POT1: variants seen among roughly 807,000 people sequenced by gnomAD.
POT1 encodes protection of telomeres 1, also known as protection of telomeres protein 1.
In POT1, 47 loss-of-function variants were observed where a neutral mutation model predicts 78.5. That is an observed-to-expected ratio of 0.60 (90% CI 0.47 to 0.76). The LOEUF (loss-of-function observed/expected upper bound fraction) is 0.76. Among genes scored for constraint, POT1 ranks in the 30% least tolerant of loss-of-function variants. POT1 has a pLI of 0.00. For synonymous variants in POT1, 259 were observed against 260.7 expected, an observed-to-expected ratio of 0.99 and a Z score of 0.06; for missense variants, 646 against 749.9, an observed-to-expected ratio of 0.86 and a Z score of 1.62.
At chr7:124,905,208 T>C (rs1428395095) in intron 3 of POT1, among the ~76,000 whole-genome samples, 1 of 152,146 alleles carries the variant, frequency 6.6e-6, no homozygotes, top group African/African-American at 2.4e-5. Flanking sequence ...GCTGGACGCA[T>C]CACACTACCT....
intron 5 of POT1, among the ~76,000 whole-genome samples, chr7:124,894,027 A>T (rs909047477): frequency 7.9e-5 from 12 of 151,620 alleles, no homozygotes; most frequent in African/African-American, 2.9e-4. Context: ...GAAAAGGGAA[A>T]GTGGTTTACA....
intron 3 of POT1, among the ~76,000 whole-genome samples, chr7:124,911,043 C>T (rs1747172002): frequency 6.6e-6 from 1 of 152,030 alleles, no homozygotes; most frequent in South Asian, 2.1e-4. Flanking sequence ...ATTTTGTATT[C>T]ATATTTGCAC....
In POT1 at chr7:124,898,342, A is replaced by G. The variant is rs1418338505; in HGVS notation, c.-121T>C. On this transcript the variant is annotated 5_prime_UTR_variant, in exon 4 of 19. Coordinates refer to ENST00000357628, the MANE Select transcript of POT1 (RefSeq NM_015450.3). ...CTCTGCTTGTAGATGAAGAAGCTAA[A>G]AAAACAATAAATCTAGCCACTGCAA... 1.3e-5 allele frequency: 2 copies of G among 151,860 alleles called. No individual in the cohort carries two copies. The highest frequency in any genetic ancestry group is 2.9e-5 in the Non-Finnish European group (2 of 67,910). 9.4% of individuals were successfully genotyped at this position (151,860 alleles called of 1,614,324 possible). A position where few individuals can be genotyped will look rare whatever the true frequency, so the allele number is the denominator to read the frequency against.
rs546157268 is a variant in POT1 at position 124,914,856 on chromosome 7, A to G, written c.-154+718T>C. ...GGCTCCTGGAACTAATCTCATGCAT[A>G]TACAGAGAAACAATTGCAACTCAAT... On this transcript the variant is annotated intron_variant, in intron 3 of 18. Transcript: ENST00000357628. Among the ~76,000 whole-genome samples, 9 of 152,314 alleles carry G rather than the reference A, an allele frequency of 5.9e-5. No individual in the cohort carries two copies. In the South Asian group the frequency reaches 1.7e-3, roughly 28 times the overall value.
At chr7:124,883,210 G>A (rs530968548) in intron 6 of POT1, among the ~76,000 whole-genome samples, 16 of 152,062 alleles carry the variant, frequency 1.1e-4, no homozygotes, top group Non-Finnish European at 1.9e-4. Flanking sequence ...ATTGTAACAG[G>A]TAACTCATCA....
intron 6 of POT1, among the ~76,000 whole-genome samples, chr7:124,883,533 ATATT>A (rs1190232782): frequency 6.6e-5 from 10 of 152,218 alleles, no homozygotes; most frequent in African/African-American, 1.9e-4. Context: ...ACAAAACTAT[ATATT>A]TATTTATTTT....
At chr7:124,844,449 C>A (rs577677643) in intron 12 of POT1, among the ~76,000 whole-genome samples, 9 of 147,836 alleles carry the variant, frequency 6.1e-5, no homozygotes, top group African/African-American at 2.2e-4. Context: ...TTAAAAAGGC[C>A]ATTGGCACCG....
intron 2 of POT1, among the ~76,000 whole-genome samples, chr7:124,927,631 G>A (rs1797307820): frequency 6.6e-6 from 1 of 152,022 alleles, no homozygotes; most frequent in African/African-American, 2.4e-5. Flanking sequence ...CCTTCAACAT[G>A]GTTCTCTTCT....
chr7:124,903,794 G>A (rs80339357), intron 3 of POT1, among the ~76,000 whole-genome samples: 3,655 of 122,098 alleles, frequency 0.03, 73 homozygotes, highest in Non-Finnish European at 0.042. Context: ...TAATAAAGAA[G>A]AAAAGAATCA....
intron 6 of POT1, among the ~76,000 whole-genome samples, chr7:124,885,843 T>C (rs532859436): frequency 1.6e-4 from 25 of 152,170 alleles, no homozygotes; most frequent in Middle Eastern, 3.4e-3. Flanking sequence ...TTTCAATATA[T>C]GTTGCTTCTA....
chr7:124,863,110 C>T (rs1795637752), intron 8 of POT1, among the ~76,000 whole-genome samples: 3 of 152,078 alleles, frequency 2.0e-5, no homozygotes, highest in Non-Finnish European at 2.9e-5. Context: ...ATGCATCAGT[C>T]ATACTATATT....
chr7:124,873,763 T>C (rs1795925835), intron 6 of POT1, among the ~76,000 whole-genome samples: 1 of 152,082 alleles, frequency 6.6e-6, no homozygotes, highest in Admixed American at 6.6e-5. Flanking sequence ...CCTAGTCCCC[T>C]AGTAATGAAG....
intron 11 of POT1, among the ~76,000 whole-genome samples, chr7:124,850,014 C>A (rs1271857369): frequency 1.3e-5 from 2 of 152,010 alleles, no homozygotes; most frequent in Non-Finnish European, 2.9e-5. Flanking sequence ...AGCTATTCAA[C>A]TGGATATTAT....
At chr7:124,852,090 T>G (rs1351618673) in intron 10 of POT1, 139 bp from the exon 11 acceptor site, 2 of 581,192 alleles carry the variant, frequency 3.4e-6, no homozygotes, top group Non-Finnish European at 6.0e-6. Flanking sequence ...GTAAAGGATC[T>G]ATTGCTTTCA....
At chr7:124,852,136 T>C (rs954356009) in intron 10 of POT1, among the ~76,000 whole-genome samples, 185 bp from the exon 11 acceptor site, 1 of 152,070 alleles carries the variant, frequency 6.6e-6, no homozygotes, top group Non-Finnish European at 1.5e-5. Flanking sequence ...AAAATCTGAG[T>C]TTAGAAAGAT....
At chr7:124,882,699 T>TA (rs11462505) in intron 6 of POT1, among the ~76,000 whole-genome samples, 93,567 of 151,320 alleles carry the variant, frequency 0.62, 29,271 homozygotes, top group African/African-American at 0.71. Context: ...TTTTAAGAAT[T>TA]AAAAAAACAG....
At chr7:124,894,397 G>A (rs974564324) in intron 5 of POT1, among the ~76,000 whole-genome samples, 10 of 151,470 alleles carry the variant, frequency 6.6e-5, no homozygotes, top group African/African-American at 2.4e-4. Flanking sequence ...GAGATGAATG[G>A]GAAAGGCCAG....
At chr7:124,906,150 A>C (rs1796760161) in intron 3 of POT1, among the ~76,000 whole-genome samples, 1 of 152,106 alleles carries the variant, frequency 6.6e-6, no homozygotes, top group Non-Finnish European at 1.5e-5. Context: ...TATATAGCCA[A>C]AGGATTATAA....
intron 8 of POT1, among the ~76,000 whole-genome samples, chr7:124,859,675 C>T (rs1025250087): frequency 1.5e-4 from 22 of 150,396 alleles, no homozygotes; most frequent in African/African-American, 5.1e-4. Flanking sequence ...GTGAGACATA[C>T]AAATTACCCA....
Sources: gnomAD v4.1 joint callset for allele counts (sites outside exome capture counted in the v4.1 genomes callset) on GRCh38, gnomAD v4.1.1 for gene constraint, MANE v1.5 for transcripts, NCBI Gene and HGNC (gene_info 2026-07-23, HGNC 2026-07-21) for gene names.